Variants in EDIL3 observed in about 807,000 individuals in gnomAD.
EDIL3 encodes EGF-like repeat and discoidin I-like domain-containing protein 3.
EDIL3 carries 37 observed loss-of-function variants against 67.4 expected under a neutral mutation model. The observed-to-expected ratio is 0.55, with a 90% CI of 0.42 to 0.72. The LOEUF (loss-of-function observed/expected upper bound fraction) is 0.72, where lower values mean the gene tolerates loss of function less well. Ranked by LOEUF, EDIL3 falls within the 30% of genes least tolerant of loss-of-function variation. EDIL3 has a pLI of 0.00. For synonymous variants in EDIL3, 195 were observed against 196.3 expected, an observed-to-expected ratio of 0.99 and a Z score of 0.05; for missense variants, 527 against 586.3, an observed-to-expected ratio of 0.90 and a Z score of 1.04.
chr5:84,080,530 G>T (rs1746945814), intron 6 of EDIL3, among the ~76,000 whole-genome samples: 1 of 152,062 alleles, frequency 6.6e-6, no homozygotes, highest in African/African-American at 2.4e-5. Context: ...ATTTGTGTTT[G>T]TTCCCCAATC....
At chr5:84,066,728 T>C (rs1746648841) in intron 6 of EDIL3, 122 bp from the exon 7 acceptor site, 1 of 1,267,076 alleles carries the variant, frequency 7.9e-7, no homozygotes, top group Non-Finnish European at 1.1e-6. Context: ...AAGCTAATAA[T>C]TTTCATGGAT....
chr5:84,207,740 C>A (rs1337099307), intron 3 of EDIL3, among the ~76,000 whole-genome samples: 2 of 151,418 alleles, frequency 1.3e-5, no homozygotes, highest in Non-Finnish European at 2.9e-5. Flanking sequence ...AGAAATAATG[C>A]CGCATATCTA....
At chr5:84,238,151 G>A (rs565452770) in intron 2 of EDIL3, among the ~76,000 whole-genome samples, 1 of 152,196 alleles carries the variant, frequency 6.6e-6, no homozygotes, top group South Asian at 2.1e-4. Context: ...CAAACGGTGT[G>A]TGTGTGTGTG....
intron 1 of EDIL3, among the ~76,000 whole-genome samples, chr5:84,266,565 T>C (rs778130102): frequency 2.0e-5 from 3 of 152,196 alleles, no homozygotes; most frequent in African/African-American, 4.8e-5. Flanking sequence ...GGAACTCCTA[T>C]CCCAGGTCCC....
In EDIL3 at chr5:84,111,402, T is replaced by C. The variant is rs1580332089; in HGVS notation, c.470-4572A>G. On this transcript the variant is annotated intron_variant, in intron 5 of 10. Coordinates refer to ENST00000296591, the MANE Select transcript of EDIL3 (RefSeq NM_005711.5). ...TTATACTCTGCTTATCTAATACGGA[T>C]AGGCAAATTCTGTTCTTATTAATTT... Among the ~76,000 whole-genome samples, 3 of 152,298 alleles carry C rather than the reference T, an allele frequency of 2.0e-5. 1 individual carries two copies. Among genetic ancestry groups the C allele is most frequent in the Middle Eastern group, 3.4e-3 (1 of 294 alleles).
chr5:84,225,931 T>A (rs1040407629), intron 3 of EDIL3, among the ~76,000 whole-genome samples: 11 of 151,658 alleles, frequency 7.3e-5, no homozygotes, highest in Non-Finnish European at 1.3e-4. Context: ...CAACTATTAA[T>A]CAGGATGCTG....
At chr5:84,278,830 T>A (rs535642450) in intron 1 of EDIL3, among the ~76,000 whole-genome samples, 1 of 152,242 alleles carries the variant, frequency 6.6e-6, no homozygotes, top group African/African-American at 2.4e-5. Context: ...TCTTTGATAT[T>A]TCTGACATGG....
intron 9 of EDIL3, among the ~76,000 whole-genome samples, chr5:83,994,999 A>G (rs1158236161): frequency 1.3e-5 from 2 of 152,140 alleles, no homozygotes; most frequent in African/African-American, 4.8e-5. Context: ...TGTAGTGTGT[A>G]TAAATTTTGT....
chr5:84,075,583 C>A (rs1746838441), intron 6 of EDIL3, among the ~76,000 whole-genome samples: 2 of 152,108 alleles, frequency 1.3e-5, no homozygotes, highest in Non-Finnish European at 2.9e-5. Flanking sequence ...TCAAGCAATT[C>A]TCCTGCCTTA....
chr5:84,309,398 TA>T (rs1219011099), intron 1 of EDIL3, among the ~76,000 whole-genome samples: 1 of 151,398 alleles, frequency 6.6e-6, no homozygotes, highest in African/African-American at 2.4e-5. Context: ...ATATGCCAGT[TA>T]GTTACATATG....
chr5:84,086,785 G>C (rs1373387901), intron 6 of EDIL3, among the ~76,000 whole-genome samples: 1 of 152,116 alleles, frequency 6.6e-6, no homozygotes, highest in Non-Finnish European at 1.5e-5. Context: ...ATAGAAAGAG[G>C]CTTCTTATTT....
intron 1 of EDIL3, among the ~76,000 whole-genome samples, chr5:84,305,918 A>AATAGATAGATAGATAG (rs201813036): frequency 1.3e-5 from 2 of 149,714 alleles, no homozygotes; most frequent in Non-Finnish European, 3.0e-5. Context: ...TAAATAAATA[A>AATAGATAGATAGATAG]ATAGATAGAT....
At chr5:84,279,672 A>G (rs1171555774) in intron 1 of EDIL3, among the ~76,000 whole-genome samples, 1 of 152,148 alleles carries the variant, frequency 6.6e-6, no homozygotes. Context: ...GCCCTTTGCT[A>G]TCACTCTTCC....
intron 3 of EDIL3, 58 bp downstream of exon 3, chr5:84,229,793 ACTCT>A (rs1244038726): frequency 7.4e-6 from 11 of 1,495,550 alleles, no homozygotes; most frequent in Non-Finnish European, 1.0e-5. Context: ...CAAAAGGTTG[ACTCT>A]CTATTATTAA....
chr5:84,253,332 AT>A (rs977772329), intron 2 of EDIL3, among the ~76,000 whole-genome samples: 8 of 152,118 alleles, frequency 5.3e-5, no homozygotes, highest in Admixed American at 4.6e-4. Flanking sequence ...AAAAATATAA[AT>A]TTTTTTCAAA....
chr5:84,107,395 T>C (rs1747483692), intron 5 of EDIL3, among the ~76,000 whole-genome samples: 1 of 151,886 alleles, frequency 6.6e-6, no homozygotes, highest in African/African-American at 2.4e-5. Context: ...AATATTATTA[T>C]AATACCCCAT....
intron 9 of EDIL3, among the ~76,000 whole-genome samples, chr5:84,029,626 T>C (rs918013275): frequency 1.8e-4 from 27 of 152,322 alleles, no homozygotes; most frequent in Non-Finnish European, 3.4e-4. Context: ...GGCTAAGTTA[T>C]ACGTTCACTT....
At chr5:84,106,452 TTAAC>T (rs1290211481) in intron 6 of EDIL3, among the ~76,000 whole-genome samples, 193 bp downstream of exon 6, 1 of 152,114 alleles carries the variant, frequency 6.6e-6, no homozygotes, top group African/African-American at 2.4e-5. Flanking sequence ...TTTGATCTCT[TTAAC>T]TAACTTCTTA....
chr5:83,980,836 C>T (rs1429735252), intron 9 of EDIL3, among the ~76,000 whole-genome samples: 2 of 151,374 alleles, frequency 1.3e-5, no homozygotes, highest in Non-Finnish European at 2.9e-5. Flanking sequence ...AACTGGTTTT[C>T]TATATCCTAG....
Sources: gnomAD v4.1 joint callset for allele counts (sites outside exome capture counted in the v4.1 genomes callset) on GRCh38, gnomAD v4.1.1 for gene constraint, MANE v1.5 for transcripts, NCBI Gene and HGNC (gene_info 2026-07-23, HGNC 2026-07-21) for gene names.